The following LIFR variants were observed in gnomAD, a reference collection of about 807,000 sequenced individuals.
LIFR encodes the protein leukemia inhibitory factor receptor.
Under a neutral mutation model 122.2 loss-of-function variants are expected in LIFR, and 84 were observed. The observed-to-expected ratio is 0.69, with a 90% confidence interval of 0.58 to 0.82. The LOEUF (loss-of-function observed/expected upper bound fraction) is 0.82, where lower values mean the gene tolerates loss of function less well. LIFR is among the 40% of genes least tolerant of loss of function. The probability of loss-of-function intolerance (pLI) is 0.00; values close to 1 mark genes in which losing one functional copy is unlikely to be tolerated. For synonymous variants in LIFR, 422 were observed against 434.7 expected (o/e 0.97, Z 0.36); for missense variants, 1,294 against 1,311.6 (o/e 0.99, Z 0.21).
Position 38,480,759 on chromosome 5 carries a change from G to A in LIFR, c.*836C>T, listed in dbSNP as rs896951008. ...AATTTGCTCATATAAAGCTGTCACT[G>A]TATCACAAAATAAAATGATTTTTAA... On this transcript the variant is annotated 3_prime_UTR_variant, in exon 20 of 20. Coordinates refer to ENST00000453190, the MANE Select transcript of LIFR (RefSeq NM_001127671.2). 1 of 211,672 alleles carries A rather than the reference G, an allele frequency of 4.7e-6. No individual in the cohort carries two copies. The highest frequency in any genetic ancestry group is 7.1e-5 in the East Asian group (1 of 14,018). The allele number at this position is 211,672 out of a possible 1,614,324, so 13.1% of individuals were successfully genotyped here. A position where few individuals can be genotyped will look rare whatever the true frequency, so the allele number is the denominator to read the frequency against.
In LIFR at chr5:38,480,859, A is replaced by G. The variant is rs1743948478; in HGVS notation, c.*736T>C. The stretch of plus-strand genomic sequence containing the variant: ...ACCAACTGAAATAATGGAAGCAAGC[A>G]TAAAAGCTAAAAAATAATGAAAAGG... On this transcript the variant is annotated 3_prime_UTR_variant, in exon 20 of 20. Transcript: ENST00000453190. The G allele has an allele frequency of 9.2e-6, 2 of 217,926 alleles. No individual in the cohort carries two copies. Among genetic ancestry groups the G allele is most frequent in the Admixed American group, 1.2e-4 (2 of 17,228 alleles). 13.5% of individuals were successfully genotyped at this position (217,926 alleles called of 1,614,324 possible).
intron 5 of LIFR, among the ~76,000 whole-genome samples, chr5:38,522,934 C>T (rs928467951): frequency 8.5e-5 from 13 of 152,106 alleles, no homozygotes; most frequent in African/African-American, 3.1e-4. Flanking sequence ...GTTCATTACT[C>T]CTTAGAGGCC....
intron 11 of LIFR, 57 bp downstream of exon 11, chr5:38,502,580 T>C (rs1745240530): frequency 6.3e-6 from 9 of 1,417,994 alleles, no homozygotes; most frequent in South Asian, 1.2e-5. Context: ...TTTAAAGAAG[T>C]TGTAAAACTT....
intron 6 of LIFR, among the ~76,000 whole-genome samples, 157 bp downstream of exon 6, chr5:38,511,633 T>C (rs1420408806): frequency 6.6e-6 from 1 of 152,186 alleles, no homozygotes; most frequent in Non-Finnish European, 1.5e-5. Flanking sequence ...TCAGACTTTT[T>C]GATCAAAATC....
chr5:38,548,595 G>C (rs377133014), intron 1 of LIFR, among the ~76,000 whole-genome samples: 75 of 152,190 alleles, frequency 4.9e-4, no homozygotes, highest in Non-Finnish European at 9.7e-4. Flanking sequence ...TTAAAGAAAA[G>C]GCACTCAACA....
In LIFR at chr5:38,502,765, CT is replaced by C. The variant is rs1474195407; in HGVS notation, c.1471del (p.Ser491ValfsTer9). On this transcript the variant is annotated frameshift_variant, in exon 11 of 20. Coordinates refer to ENST00000453190, the MANE Select transcript of LIFR (RefSeq NM_001127671.2). LOFTEE classifies it high-confidence loss of function. ...TAACTTGTCCAGAGCAACAAGATAA[CT>C]TGAATTTTCTACTCCTTTGATTGTG... ...NVTIKGVENS[S>X]YLVALDKLNP... The C allele has an allele frequency of 1.2e-6, 2 of 1,606,808 alleles. No homozygotes were observed. Among genetic ancestry groups the C allele is most frequent in the Non-Finnish European group, 1.7e-6 (2 of 1,174,140 alleles).
At position 38,548,663 on chromosome 5, in the gene LIFR, G is replaced by T. The variant is rs60524740; in HGVS notation, c.-20+7671C>A. Among the ~76,000 whole-genome samples the T allele has an allele frequency of 4.5e-3, 689 of 152,230 alleles. 8 individuals are homozygous for T. Among genetic ancestry groups the T allele is most frequent in the African/African-American group, 0.015 (640 of 41,536 alleles). On this transcript the variant is annotated intron_variant, in intron 1 of 19. Coordinates refer to ENST00000453190, the MANE Select transcript of LIFR (RefSeq NM_001127671.2). ...CCTCTATAAAAGGAAAGAAAGATCA[G>T]ACCCTGACCTTCAAAAATTTATACA...
chr5:38,484,858 T>G lies in LIFR; in HGVS notation c.2508A>C (p.Leu836Phe), dbSNP rs373901508. The G allele has an allele frequency of 6.8e-6, 11 of 1,611,512 alleles. No homozygotes were observed. Among genetic ancestry groups the G allele is most frequent in the Non-Finnish European group, 9.3e-6 (11 of 1,177,864 alleles). ...CCACTGGGATGAGAATGGCAATAAT[T>G]AATCCCACAGCTGAAACGAGAGTAT... ...YVVTKENSVG[L>F]IIAILIPVAV... The change falls in exon 18 of 20, where the codon TTA (leucine) becomes TTC (phenylalanine). Residue 836 changes from leucine (L) to phenylalanine (F), a missense_variant. Transcript: ENST00000453190.
chr5:38,607,215 T>C (rs1750346865), intron 1 of LIFR, among the ~76,000 whole-genome samples: 1 of 152,196 alleles, frequency 6.6e-6, no homozygotes, highest in Admixed American at 6.5e-5. Context: ...TGTTGGGATG[T>C]TTTGGTTGAA....
At chr5:38,500,100 A>G (rs898966041) in intron 11 of LIFR, among the ~76,000 whole-genome samples, 12 of 152,118 alleles carry the variant, frequency 7.9e-5, no homozygotes, top group African/African-American at 2.9e-4. Context: ...CTCAGCCTCT[A>G]TTCCTATCAC....
intron 1 of LIFR, among the ~76,000 whole-genome samples, chr5:38,570,295 G>A (rs1749168444): frequency 6.6e-6 from 1 of 152,150 alleles, no homozygotes; most frequent in African/African-American, 2.4e-5. Flanking sequence ...ATTATTAGGG[G>A]ACCTGCCCAA....
rs1049483137 is a variant in LIFR at position 38,484,654 on chromosome 5, ATTT to A, written c.2591+118_2591+120del. On this transcript the variant is annotated intron_variant, in intron 18 of 19. Transcript: ENST00000453190. The stretch of plus-strand genomic sequence containing the variant: ...ATCCAACATTAATTCTAATTAAAAC[ATTT>A]TTTAACTAACTTATTACAACAAAAA... 6.7e-5 allele frequency: 47 copies of A among 706,554 alleles called. No individual in the cohort carries two copies. In the African/African-American group the frequency reaches 7.1e-4, roughly 11 times the overall value. 43.8% of individuals were successfully genotyped at this position (706,554 alleles called of 1,614,324 possible). A position where few individuals can be genotyped will look rare whatever the true frequency, so the allele number is the denominator to read the frequency against.
At chr5:38,517,023 C>T (rs1341279412) in intron 5 of LIFR, among the ~76,000 whole-genome samples, 1 of 151,680 alleles carries the variant, frequency 6.6e-6, no homozygotes, top group African/African-American at 2.4e-5. Context: ...CACACGGACA[C>T]AGGGAGGGGG....
chr5:38,528,574 A>AG, intron 3 of LIFR, 152 bp downstream of exon 3: 1 of 678,236 alleles, frequency 1.5e-6, no homozygotes, highest in Non-Finnish European at 2.7e-6. Context: ...GCCCTACAGG[A>AG]GAAAAATGAG....
At chr5:38,573,771 C>T (rs1162170008) in intron 1 of LIFR, among the ~76,000 whole-genome samples, 2 of 152,028 alleles carry the variant, frequency 1.3e-5, no homozygotes, top group Non-Finnish European at 2.9e-5. Context: ...ATTTTGTCAC[C>T]ACTCCCACCC....
Position 38,536,594 on chromosome 5 carries a change from C to T in LIFR, c.-19-5928G>A, listed in dbSNP as rs74900019. Among the ~76,000 whole-genome samples, 1,784 of 152,236 alleles carry T rather than the reference C, an allele frequency of 0.012. 185 individuals carry two copies. The East Asian group carries it at 0.25, about 21-fold the overall frequency. Reference sequence around the variant, plus strand: ...ATATTTTTCCTTTTAAGTGGATACACGTTATTTCTTCAAACTGCTACTAAA... The same window carrying T: ...ATATTTTTCCTTTTAAGTGGATACATGTTATTTCTTCAAACTGCTACTAAA... On this transcript the variant is annotated intron_variant, in intron 1 of 19. Coordinates refer to ENST00000453190, the MANE Select transcript of LIFR (RefSeq NM_001127671.2).
Position 38,502,713 on chromosome 5 carries a change from C to A in LIFR, c.1524G>T (p.Arg508=). ...AGAAAGTTTCAGTAGAACAACGAAT[C>A]CGAAAAGTATATAGAGTGTATGGAT... ...KLNPYTLYTF[R]IRCSTETFWK... The change falls in exon 11 of 20, where the codon CGG becomes CGT. Residue 508 remains arginine, a synonymous_variant. Transcript: ENST00000453190. The A allele has an allele frequency of 6.2e-7, 1 of 1,612,182 alleles. No homozygotes were observed. The highest frequency in any genetic ancestry group is 8.5e-7 in the Non-Finnish European group (1 of 1,178,356).
intron 1 of LIFR, among the ~76,000 whole-genome samples, chr5:38,562,847 T>A (rs1174202505): frequency 5.3e-5 from 8 of 152,218 alleles, no homozygotes; most frequent in Admixed American, 1.3e-4. Context: ...TGTGAAGAAT[T>A]TTCAGTGGTT....
chr5:38,496,920 T>C (rs985716379), intron 12 of LIFR, among the ~76,000 whole-genome samples: 2 of 152,074 alleles, frequency 1.3e-5, no homozygotes, highest in African/African-American at 4.8e-5. Flanking sequence ...AAGGTTGCAG[T>C]GAGCCAAGAT....
Sources: gnomAD v4.1 joint callset for allele counts (sites outside exome capture counted in the v4.1 genomes callset) on GRCh38, gnomAD v4.1.1 for gene constraint, MANE v1.5 for transcripts, NCBI Gene and HGNC (gene_info 2026-07-23, HGNC 2026-07-21) for gene names.